Variants in IQCH observed in about 807,000 individuals in gnomAD.
IQCH encodes the protein IQ domain-containing protein H.
A neutral mutation model predicts 117.0 loss-of-function variants in IQCH; 98 were observed. The observed-to-expected ratio is 0.84, with a 90% CI of 0.71 to 0.99. IQCH has a LOEUF of 0.99. Ranked by LOEUF, IQCH falls within the 50% of genes least tolerant of loss-of-function variation. The pLI, the probability that IQCH is intolerant of heterozygous loss-of-function variation, is 0.00. For missense variants in IQCH, 1,102 were observed against 1,243.8 expected, an observed-to-expected ratio of 0.89 and a Z score of 1.72; for synonymous variants, 412 against 448.2, an observed-to-expected ratio of 0.92 and a Z score of 1.02.
rs993394090 is a variant in IQCH, at chr15:67,490,847, C to T, written c.2861+783C>T. Among the ~76,000 whole-genome samples the T allele has an allele frequency of 2.0e-5, 3 of 152,354 alleles. No individual in the cohort carries two copies. Among genetic ancestry groups the T allele is most frequent in the African/African-American group, 7.2e-5 (3 of 41,584 alleles). ...TGCACTGAGCACAGGCTGCTGGCAACACTCGGAGGCTTCCGCACTTCTCCC... is the reference window on the plus strand; with the variant it reads ...TGCACTGAGCACAGGCTGCTGGCAATACTCGGAGGCTTCCGCACTTCTCCC... On this transcript the variant is annotated intron_variant, in intron 19 of 20. Transcript: ENST00000335894. This position sits in a 1 kb window ranked among gnomAD's most constrained non-coding sequence, Gnocchi z 4.9.
chr15:67,453,297 C>T lies in IQCH; in HGVS notation c.2506-11830C>T, dbSNP rs569921832. Among the ~76,000 whole-genome samples, 30 of 152,278 alleles carry T rather than the reference C, an allele frequency of 2.0e-4. No homozygotes were observed. The highest frequency in any genetic ancestry group is 4.1e-4 in the South Asian group (2 of 4,822). Reference sequence around the variant, plus strand: ...CTGCGTTCCTTTGGAGGAGGAGAGGCGCTCTGCTTTTTAGAGTTTCCAGTT... The same window carrying T: ...CTGCGTTCCTTTGGAGGAGGAGAGGTGCTCTGCTTTTTAGAGTTTCCAGTT... On this transcript the variant is annotated intron_variant, in intron 16 of 20. Coordinates refer to ENST00000335894, the MANE Select transcript of IQCH (RefSeq NM_001031715.3). This position sits in a 1 kb window ranked among gnomAD's most constrained non-coding sequence, Gnocchi z 5.8.
rs2083647167 is a variant in IQCH, at chr15:67,491,279, T to C, written c.2861+1215T>C. On this transcript the variant is annotated intron_variant, in intron 19 of 20. Transcript: ENST00000335894. This position sits in a 1 kb window ranked among gnomAD's most constrained non-coding sequence, Gnocchi z 4.9. ...TGCACACTACAAGCAAATGGCTGCA[T>C]AGGACAGGCCTCAACTTCCCTATCC... Among the ~76,000 whole-genome samples, 1 of 152,128 alleles carries C rather than the reference T, an allele frequency of 6.6e-6. No homozygotes were observed. The highest frequency in any genetic ancestry group is 2.4e-5 in the African/African-American group (1 of 41,412).
At chr15:67,344,475 AG>A (rs935861697) in intron 6 of IQCH, among the ~76,000 whole-genome samples, 13 of 152,214 alleles carry the variant, frequency 8.5e-5, no homozygotes, top group East Asian at 3.9e-4. Flanking sequence ...TGTGAAAAAA[AG>A]ATGATGTGGA....
At chr15:67,334,707 T>TC (rs1968814876) in intron 4 of IQCH, among the ~76,000 whole-genome samples, 1 of 152,168 alleles carries the variant, frequency 6.6e-6, no homozygotes, top group African/African-American at 2.4e-5. Flanking sequence ...TTTAAAAAGC[T>TC]CCCTGAGCGA....
intron 15 of IQCH, among the ~76,000 whole-genome samples, chr15:67,418,513 CCACACACACA>C (rs368875296): frequency 5.6e-4 from 64 of 114,106 alleles, no homozygotes; most frequent in East Asian, 5.6e-3. Flanking sequence ...CAAGTGGCTA[CCACACACACA>C]CACACACACA....
rs1055764547 is a variant in IQCH, at chr15:67,372,586, G to A, written c.1229G>A (p.Cys410Tyr). The A allele has an allele frequency of 3.1e-6, 5 of 1,613,932 alleles. No homozygotes were observed. The Admixed American group carries it at 8.3e-5, about 27-fold the overall frequency. ...GVIAIAWLLY[C>Y]HKTRLKKILK... is the part of the protein sequence containing the mutation. ...ATTGCCATTGCTTGGCTGTTATATT[G>A]CCATAAGACTCGACTAAAGAAGATA... The change falls in exon 9 of 21, where the codon TGC becomes TAC. Residue 410 changes from cysteine to tyrosine, a missense_variant. This residue lies in a region of IQCH where 650 missense variants were observed against 794.3 expected (regional missense o/e 0.82). Coordinates refer to ENST00000335894, the MANE Select transcript of IQCH (RefSeq NM_001031715.3).
Position 67,263,218 on chromosome 15 carries a change from T to G in IQCH, c.269+2T>G. 6.9e-7 allele frequency: 1 copy of G among 1,442,532 alleles called. No homozygotes were observed. The highest frequency in any genetic ancestry group is 9.7e-7 in the Non-Finnish European group (1 of 1,027,644). 89.4% of individuals were successfully genotyped at this position (1,442,532 alleles called of 1,614,324 possible). ...ATATACTCCCCAGGCTTCCAAATGG[T>G]AAGTAAAATAGCCATTTAGAGCCCA... On this transcript the variant is annotated splice_donor_variant, in intron 3 of 20. Coordinates refer to ENST00000335894, the MANE Select transcript of IQCH (RefSeq NM_001031715.3). LOFTEE classifies it high-confidence loss of function.
At chr15:67,409,251 G>T (rs1047468003) in intron 14 of IQCH, among the ~76,000 whole-genome samples, 1 of 152,124 alleles carries the variant, frequency 6.6e-6, no homozygotes, top group African/African-American at 2.4e-5. Context: ...CTGCCTTTGT[G>T]TATGTGCAAA....
intron 6 of IQCH, among the ~76,000 whole-genome samples, chr15:67,353,833 A>G (rs1247132731): frequency 6.6e-6 from 1 of 152,208 alleles, no homozygotes; most frequent in African/African-American, 2.4e-5. Flanking sequence ...ATATATTTTA[A>G]AATATGAAAT....
intron 13 of IQCH, among the ~76,000 whole-genome samples, chr15:67,397,298 T>C (rs1035409494): frequency 6.6e-6 from 1 of 152,226 alleles, no homozygotes; most frequent in Non-Finnish European, 1.5e-5. Flanking sequence ...TAGTTAAAGA[T>C]GCAGGCACAT....
chr15:67,302,895 T>TAAAAAAAAAAAAAAAA, intron 4 of IQCH, among the ~76,000 whole-genome samples: 1 of 152,140 alleles, frequency 6.6e-6, no homozygotes, highest in South Asian at 2.1e-4. Context: ...ACCATGCTAT[T>TAAAAAAAAAAAAAAAA]AAAAAGTAAA....
At chr15:67,336,102 A>G (rs1968880467) in intron 4 of IQCH, among the ~76,000 whole-genome samples, 1 of 152,104 alleles carries the variant, frequency 6.6e-6, no homozygotes, top group African/African-American at 2.4e-5. Context: ...AGTATACTGC[A>G]TGGCCTGAAA....
chr15:67,313,548 GA>G (rs1483868089), intron 4 of IQCH, among the ~76,000 whole-genome samples: 2 of 152,146 alleles, frequency 1.3e-5, no homozygotes, highest in Non-Finnish European at 2.9e-5. Context: ...AAGACTAAAG[GA>G]GAGGTGTTGT....
intron 4 of IQCH, among the ~76,000 whole-genome samples, chr15:67,336,650 C>T (rs754051746): frequency 6.6e-6 from 1 of 152,124 alleles, no homozygotes; most frequent in Non-Finnish European, 1.5e-5. Flanking sequence ...TTCAAAACCT[C>T]CTCTGTCAAG....
chr15:67,293,348 C>T (rs1003526056), intron 4 of IQCH, among the ~76,000 whole-genome samples: 1 of 152,062 alleles, frequency 6.6e-6, no homozygotes, highest in South Asian at 2.1e-4. Context: ...CCTCACTATT[C>T]GTGGGGGATT....
rs191505711 is a variant in IQCH at position 67,498,414 on chromosome 15, G to A, written c.2971-2219G>A. Among the ~76,000 whole-genome samples the A allele has an allele frequency of 1.2e-4, 19 of 152,028 alleles. No individual in the cohort carries two copies. In the South Asian group the frequency reaches 3.3e-3, roughly 27 times the overall value. On this transcript the variant is annotated intron_variant, in intron 20 of 20. Transcript: ENST00000335894. ...GTGGATCACCTGAGGTCAGGAGTTC[G>A]AGACCAGCCTGGCCAACATGGTGAA...
At chr15:67,304,369 C>G in intron 4 of IQCH, 1 of 1,531,410 alleles carries the variant, frequency 6.5e-7, no homozygotes, top group Admixed American at 2.0e-5. Context: ...AAAAATCTTG[C>G]AGGATCCTGA....
chr15:67,314,328 G>A (rs1296558133), intron 4 of IQCH, among the ~76,000 whole-genome samples: 2 of 151,828 alleles, frequency 1.3e-5, no homozygotes, highest in Non-Finnish European at 2.9e-5. Flanking sequence ...CCTCAGCACT[G>A]GACAGTATGA....
chr15:67,487,012 G>C (rs1287964339), intron 18 of IQCH, among the ~76,000 whole-genome samples: 1 of 152,150 alleles, frequency 6.6e-6, no homozygotes, highest in African/African-American at 2.4e-5. Context: ...ATGCCCATGA[G>C]AGTGACCTCA....
Sources: allele counts gnomAD v4.1 joint callset (sites outside exome capture counted in the v4.1 genomes callset), GRCh38; gene constraint gnomAD v4.1.1; regional missense constraint gnomAD v4.1.1; non-coding constraint Gnocchi (gnomAD v3.1); transcripts MANE v1.5; gene names NCBI Gene and HGNC (gene_info 2026-07-23, HGNC 2026-07-21).